CIT: variants seen among roughly 807,000 people sequenced by gnomAD.
CIT encodes citron rho-interacting serine/threonine kinase, also known as citron Rho-interacting kinase.
A neutral mutation model predicts 272.7 loss-of-function variants in CIT; 79 were observed. The observed-to-expected ratio is 0.29, with a 90% CI of 0.24 to 0.35. The LOEUF (loss-of-function observed/expected upper bound fraction) is 0.35, where lower values mean the gene tolerates loss of function less well. CIT is among the 10% of genes least tolerant of loss of function. The pLI is 1.00. For synonymous variants in CIT, 948 were observed against 995.6 expected (o/e 0.95, Z 0.90); for missense variants, 1,909 against 2,618.3 (o/e 0.73, Z 5.91).
Position 119,857,800 on chromosome 12 carries a change from C to T in CIT, c.239-102G>A, listed in dbSNP as rs182972352. On this transcript the variant is annotated intron_variant, in intron 3 of 47. Transcript: ENST00000392521. ...AAGAAAATAGCATTCGGATAGCTTCCCTCACTGTCAAAGACATTCACTTTC... is the reference window on the plus strand; with the variant it reads ...AAGAAAATAGCATTCGGATAGCTTCTCTCACTGTCAAAGACATTCACTTTC... 27 of 1,046,100 alleles carry T rather than the reference C, an allele frequency of 2.6e-5. No individual in the cohort carries two copies. In the African/African-American group the frequency reaches 2.9e-4, roughly 11 times the overall value. The allele number at this position is 1,046,100 out of a possible 1,614,324, so 64.8% of individuals were successfully genotyped here. A position where few individuals can be genotyped will look rare whatever the true frequency, so the allele number is the denominator to read the frequency against.
intron 5 of CIT, among the ~76,000 whole-genome samples, chr12:119,849,526 AT>A (rs896246762): frequency 6.6e-6 from 1 of 152,134 alleles, no homozygotes; most frequent in African/African-American, 2.4e-5. Flanking sequence ...CACTATTATC[AT>A]TTTTTTAATC....
chr12:119,704,400 C>A lies in CIT; in HGVS notation c.5267G>T (p.Arg1756Leu). Residue 1756 changes from arginine (R) to leucine (L), a missense_variant, in exon 41 of 48, where the codon CGC (arginine) becomes CTC (leucine). Coordinates refer to ENST00000392521, the MANE Select transcript of CIT (RefSeq NM_001206999.2). ...AAMPSKVVIL[R>L]YNENLSKYCI... ...GTATTTGCTGAGGTTTTCGTTGTAG[C>A]GGAGAATGACGACTTTGCTGGGCAT... is the stretch of plus-strand genomic sequence containing the variant. The A allele has an allele frequency of 6.2e-7, 1 of 1,613,964 alleles. No homozygotes were observed. The highest frequency in any genetic ancestry group is 8.5e-7 in the Non-Finnish European group (1 of 1,179,874).
intron 3 of CIT, among the ~76,000 whole-genome samples, chr12:119,864,493 G>A (rs1356077312): frequency 6.6e-6 from 1 of 152,074 alleles, no homozygotes; most frequent in Non-Finnish European, 1.5e-5. Flanking sequence ...GCGTCCCCAT[G>A]CCCCAGCTAC....
intron 41 of CIT, among the ~76,000 whole-genome samples, chr12:119,704,117 A>G (rs1956743064): frequency 6.6e-6 from 1 of 151,728 alleles, no homozygotes; most frequent in South Asian, 2.1e-4. Context: ...ACTGGGCTGG[A>G]TGGGGAGGCA....
At chr12:119,875,451 T>TCTA (rs2138441691) in intron 2 of CIT, among the ~76,000 whole-genome samples, 1 of 152,182 alleles carries the variant, frequency 6.6e-6, no homozygotes, top group East Asian at 1.9e-4. Flanking sequence ...CATATAAAAC[T>TCTA]CTAAATAGAG....
chr12:119,740,211 G>A (rs185795427), intron 24 of CIT, among the ~76,000 whole-genome samples: 18 of 152,308 alleles, frequency 1.2e-4, no homozygotes, highest in South Asian at 8.3e-4. Context: ...AGAAGTCACC[G>A]TTCCAGAAAT....
At position 119,784,575 on chromosome 12, in the gene CIT, G is replaced by A; in HGVS notation, c.1401+385C>T. The stretch of plus-strand genomic sequence containing the variant: ...AGACGTTGAGCGTAATCAACACAGT[G>A]GCCGCAGTGACATAAGCAGGAGTTT... On this transcript the variant is annotated intron_variant, in intron 11 of 47. Transcript: ENST00000392521. The surrounding 1 kb of genome is among the most constrained non-coding windows in gnomAD (Gnocchi z 4.7). 7 of 1,170,288 alleles carry A rather than the reference G, an allele frequency of 6.0e-6. No homozygotes were observed. The highest frequency in any genetic ancestry group is 7.4e-6 in the Non-Finnish European group (7 of 939,692). The allele number at this position is 1,170,288 out of a possible 1,614,324, so 72.5% of individuals were successfully genotyped here. A position where few individuals can be genotyped will look rare whatever the true frequency, so the allele number is the denominator to read the frequency against.
chr12:119,760,635 A>G (rs1961659842), intron 20 of CIT, among the ~76,000 whole-genome samples: 2 of 152,260 alleles, frequency 1.3e-5, no homozygotes, highest in East Asian at 3.9e-4. Context: ...TCAAAAAAAA[A>G]AAAAAGAGCA....
intron 5 of CIT, among the ~76,000 whole-genome samples, chr12:119,844,521 C>T (rs1969654948): frequency 6.6e-6 from 1 of 152,012 alleles, no homozygotes; most frequent in Non-Finnish European, 1.5e-5. Flanking sequence ...AAACAAGTAA[C>T]AAAAGAATTT....
chr12:119,816,727 T>G (rs145562477), intron 9 of CIT, among the ~76,000 whole-genome samples: 2 of 152,360 alleles, frequency 1.3e-5, no homozygotes, highest in African/African-American at 4.8e-5. Flanking sequence ...GTGGCAGTAT[T>G]GAGAGATTCA....
Position 119,833,658 on chromosome 12 carries a change from T to C in CIT, c.659+428A>G, listed in dbSNP as rs1593900422. ...CCAGCCTGGCAACAGAGCTAGACTC[T>C]GTCTCAAAAAAAAAAAAAAAAAAAA... On this transcript the variant is annotated intron_variant, in intron 6 of 47. Coordinates refer to ENST00000392521, the MANE Select transcript of CIT (RefSeq NM_001206999.2). Among the ~76,000 whole-genome samples the C allele has an allele frequency of 2.0e-5, 2 of 99,618 alleles. 1 individual carries two copies. Among genetic ancestry groups the C allele is most frequent in the African/African-American group, 9.2e-5 (2 of 21,700 alleles). 65.4% of individuals were successfully genotyped at this position (99,618 alleles called of 152,430 possible). A position where few individuals can be genotyped will look rare whatever the true frequency, so the allele number is the denominator to read the frequency against.
chr12:119,788,420 T>A (rs1463263182), intron 10 of CIT, among the ~76,000 whole-genome samples: 1 of 151,942 alleles, frequency 6.6e-6, no homozygotes, highest in African/African-American at 2.4e-5. Flanking sequence ...CCTTCAGAGA[T>A]CAAAAGTCAC....
At chr12:119,733,187 C>T (rs765461749) in intron 26 of CIT, among the ~76,000 whole-genome samples, 8 of 150,564 alleles carry the variant, frequency 5.3e-5, no homozygotes, top group Non-Finnish European at 1.0e-4. Context: ...AGCAGAGGAA[C>T]GATACTGCCT....
In CIT at chr12:119,712,469, G is replaced by C; in HGVS notation, c.4684+122C>G. The C allele has an allele frequency of 7.1e-7, 1 of 1,401,998 alleles. No homozygotes were observed. Among genetic ancestry groups the C allele is most frequent in the Non-Finnish European group, 9.9e-7 (1 of 1,011,232 alleles). 86.8% of individuals were successfully genotyped at this position (1,401,998 alleles called of 1,614,324 possible). Reference sequence around the variant, plus strand: ...GCAAATCCCAGTTACCGCCAAGGCGGGGAGCGGAGGAAGATGGGCCTCCTT... The same window carrying C: ...GCAAATCCCAGTTACCGCCAAGGCGCGGAGCGGAGGAAGATGGGCCTCCTT... On this transcript the variant is annotated intron_variant, in intron 36 of 47. Transcript: ENST00000392521. This position sits in a 1 kb window ranked among gnomAD's most constrained non-coding sequence, Gnocchi z 5.2.
intron 24 of CIT, among the ~76,000 whole-genome samples, chr12:119,741,346 A>C (rs1002679482): frequency 5.9e-5 from 9 of 152,208 alleles, no homozygotes; most frequent in Admixed American, 5.2e-4. Context: ...TGGGTGAAGG[A>C]TGATGATGGG....
chr12:119,804,496 G>C lies in CIT; in HGVS notation c.1112-1107C>G. The C allele has an allele frequency of 2.0e-6, 2 of 985,560 alleles. No individual in the cohort carries two copies. Among genetic ancestry groups the C allele is most frequent in the Middle Eastern group, 5.2e-4 (1 of 1,920 alleles). 61.1% of individuals were successfully genotyped at this position (985,560 alleles called of 1,614,324 possible). A position where few individuals can be genotyped will look rare whatever the true frequency, so the allele number is the denominator to read the frequency against. Reference sequence around the variant, plus strand: ...GGGGCCAGTGCTGATCCCAGTGACAGAGCAGCATGAGTCACTGCCCGCCAG... The same window carrying C: ...GGGGCCAGTGCTGATCCCAGTGACACAGCAGCATGAGTCACTGCCCGCCAG... On this transcript the variant is annotated intron_variant, in intron 9 of 47. Coordinates refer to ENST00000392521, the MANE Select transcript of CIT (RefSeq NM_001206999.2). This position sits in a 1 kb window ranked among gnomAD's most constrained non-coding sequence, Gnocchi z 5.3.
chr12:119,692,738 T>G (rs1956024328), intron 46 of CIT, among the ~76,000 whole-genome samples: 2 of 152,258 alleles, frequency 1.3e-5, no homozygotes, highest in African/African-American at 2.4e-5. Context: ...AACAGAGAAG[T>G]TGGTGTGCAG....
Position 119,803,292 on chromosome 12 carries a change from C to T in CIT, c.1209G>A (p.Gln403=). 6.2e-7 allele frequency: 1 copy of T among 1,610,718 alleles called. No individual in the cohort carries two copies. ...KNSWVSSSPC[Q]LSPSGFSGEE... is the part of the protein sequence containing the mutation. ...CACCCGAGAAGCCTGAGGGGCTCAG[C>T]TGGCACGGAGAGGATGAAACCCACG... The change falls in exon 10 of 48, where the codon CAG becomes CAA. Residue 403 remains glutamine (Q), a synonymous_variant. Transcript: ENST00000392521.
chr12:119,689,666 CTTTTTTTTTTTTTTT>C (rs531946559), intron 47 of CIT, among the ~76,000 whole-genome samples: 1,269 of 75,152 alleles, frequency 0.017, 55 homozygotes, highest in African/African-American at 0.055. Context: ...TTAGGAAGCT[CTTTTTTTTTTTTTTT>C]TTTTTTTTTT....
Sources: gnomAD v4.1 joint callset for allele counts (sites outside exome capture counted in the v4.1 genomes callset) on GRCh38, gnomAD v4.1.1 for gene constraint, Gnocchi (gnomAD v3.1) non-coding constraint, MANE v1.5 for transcripts, NCBI Gene and HGNC (gene_info 2026-07-23, HGNC 2026-07-21) for gene names.